The following C10orf90 variants were observed in gnomAD, a reference collection of about 807,000 sequenced individuals.
C10orf90 encodes the protein chromosome 10 open reading frame 90, also known as (E2-independent) E3 ubiquitin-conjugating enzyme FATS.
A neutral mutation model predicts 62.5 loss-of-function variants in C10orf90; 56 were observed. The observed-to-expected ratio is 0.90, with a 90% CI of 0.72 to 1.12. The LOEUF (loss-of-function observed/expected upper bound fraction) is 1.12, where lower values mean the gene tolerates loss of function less well. C10orf90 is among the 50% of genes most tolerant of loss of function. The pLI is 0.00. For missense variants in C10orf90, 970 were observed against 880.4 expected (o/e 1.10, Z -1.29); for synonymous variants, 386 against 340.4 (o/e 1.13, Z -1.47).
At chr10:126,455,871 A>T (rs1471162617) in intron 7 of C10orf90, among the ~76,000 whole-genome samples, 1 of 152,210 alleles carries the variant, frequency 6.6e-6, no homozygotes, top group Non-Finnish European at 1.5e-5. Flanking sequence ...ACCATGAAGT[A>T]CAGCGGGTCC....
At chr10:126,593,245 A>C (rs1845017133) in intron 2 of C10orf90, among the ~76,000 whole-genome samples, 2 of 152,254 alleles carry the variant, frequency 1.3e-5, no homozygotes, top group Admixed American at 1.3e-4. Context: ...ACATATGTTC[A>C]CTGCGGCACT....
chr10:126,491,131 A>G (rs773297240), intron 4 of C10orf90, among the ~76,000 whole-genome samples: 18 of 152,232 alleles, frequency 1.2e-4, no homozygotes, highest in Non-Finnish European at 2.4e-4. Context: ...AATGATCTCT[A>G]TAATGAAAAC....
chr10:126,539,073 G>A (rs957755232), intron 2 of C10orf90, among the ~76,000 whole-genome samples: 1 of 152,206 alleles, frequency 6.6e-6, no homozygotes, highest in African/African-American at 2.4e-5. Context: ...GCCATGGGGA[G>A]AAAGAGCCTG....
intron 1 of C10orf90, among the ~76,000 whole-genome samples, chr10:126,662,524 C>T (rs1230306451): frequency 6.6e-6 from 1 of 152,178 alleles, no homozygotes; most frequent in Non-Finnish European, 1.5e-5. Context: ...ATAACAGTCA[C>T]ATCCTGTGTC....
At chr10:126,569,963 C>T (rs969873397) in intron 2 of C10orf90, among the ~76,000 whole-genome samples, 4 of 152,186 alleles carry the variant, frequency 2.6e-5, no homozygotes, top group African/African-American at 9.7e-5. Context: ...CTGGTGACTT[C>T]ACAGCACATT....
chr10:126,527,164 T>C, intron 2 of C10orf90, among the ~76,000 whole-genome samples: 1 of 152,210 alleles, frequency 6.6e-6, no homozygotes, highest in South Asian at 2.1e-4. Context: ...AGTGTACCAT[T>C]TTGCATTCCC....
At chr10:126,525,204 G>A (rs545818914) in intron 2 of C10orf90, among the ~76,000 whole-genome samples, 4 of 152,276 alleles carry the variant, frequency 2.6e-5, no homozygotes, top group Non-Finnish European at 5.9e-5. Context: ...CAACCCACCA[G>A]GAAGAAAAAT....
rs145069855 is a variant in C10orf90, at chr10:126,466,246, C to T, written c.1535-1260G>A. 1.2e-3 allele frequency among the ~76,000 whole-genome samples: 175 copies of T among 151,996 alleles called. 1 individual carries two copies. Among genetic ancestry groups the T allele is most frequent in the African/African-American group, 4.1e-3 (168 of 41,454 alleles). ...AACACATTGGGAATCCCTGGAATAA[C>T]AAAAGTTATAAGAATATTCTTGCTT... On this transcript the variant is annotated intron_variant, in intron 4 of 9. Coordinates refer to ENST00000488181, the MANE Select transcript of C10orf90 (RefSeq NM_001350921.2).
chr10:126,533,715 T>TA (rs1864163441), intron 2 of C10orf90, among the ~76,000 whole-genome samples: 2 of 152,340 alleles, frequency 1.3e-5, no homozygotes, highest in African/African-American at 4.8e-5. Flanking sequence ...TCAGTCAAGT[T>TA]AACCCCTCAG....
chr10:126,432,429 C>A (rs767620050), intron 7 of C10orf90, among the ~76,000 whole-genome samples: 3 of 152,156 alleles, frequency 2.0e-5, no homozygotes, highest in Non-Finnish European at 4.4e-5. Flanking sequence ...CAGATAAGAC[C>A]GTCCCTTCAT....
chr10:126,455,713 T>C (rs1859513745), intron 7 of C10orf90, among the ~76,000 whole-genome samples: 1 of 152,186 alleles, frequency 6.6e-6, no homozygotes, highest in African/African-American at 2.4e-5. Flanking sequence ...GCTATGACCT[T>C]GATGATGCTA....
At chr10:126,534,552 G>T (rs577015990) in intron 2 of C10orf90, among the ~76,000 whole-genome samples, 1 of 152,218 alleles carries the variant, frequency 6.6e-6, no homozygotes, top group East Asian at 1.9e-4. Context: ...TATCATTGTT[G>T]TCATTGAGCA....
intron 2 of C10orf90, among the ~76,000 whole-genome samples, chr10:126,571,335 G>A (rs1189868909): frequency 6.6e-6 from 1 of 152,186 alleles, no homozygotes; most frequent in Non-Finnish European, 1.5e-5. Flanking sequence ...CCAGGGCAAC[G>A]ATTTGTCTCA....
In C10orf90 at chr10:126,425,908, G is replaced by A. The variant is rs745436700; in HGVS notation, c.2353-6C>T. On this transcript the variant is annotated splice_polypyrimidine_tract_variant and splice_region_variant and intron_variant, in intron 9 of 9. Transcript: ENST00000488181. ...AGGAGCTGGTCCAGTAATTGCTAGA[G>A]GAAAAGGGAAACAAAGATGTCAAGT... 5 of 1,614,012 alleles carry A rather than the reference G, an allele frequency of 3.1e-6. No individual in the cohort carries two copies. The highest frequency in any genetic ancestry group is 4.2e-6 in the Non-Finnish European group (5 of 1,180,016).
At chr10:126,631,997 C>T (rs1475372600) in intron 2 of C10orf90, among the ~76,000 whole-genome samples, 1 of 152,048 alleles carries the variant, frequency 6.6e-6, no homozygotes, top group Non-Finnish European at 1.5e-5. Context: ...AATACAGTGG[C>T]CTTGGAGAGC....
At chr10:126,657,619 TC>T (rs1846422128) in intron 1 of C10orf90, among the ~76,000 whole-genome samples, 2 of 150,790 alleles carry the variant, frequency 1.3e-5, no homozygotes. Flanking sequence ...TTTTTTTTTT[TC>T]TTTTTTTTTT....
intron 2 of C10orf90, among the ~76,000 whole-genome samples, chr10:126,580,430 T>C (rs7903825): frequency 0.63 from 95,681 of 152,020 alleles, 31,130 homozygotes; most frequent in African/African-American, 0.8. Flanking sequence ...CCGAGGCAGG[T>C]GGATCACAGT....
chr10:126,539,613 A>C (rs1175637715), intron 2 of C10orf90, among the ~76,000 whole-genome samples: 1 of 152,216 alleles, frequency 6.6e-6, no homozygotes, highest in Non-Finnish European at 1.5e-5. Flanking sequence ...TAAGTTCTAA[A>C]ACCTAGGGAA....
At chr10:126,562,426 C>CT (rs1864923781) in intron 2 of C10orf90, among the ~76,000 whole-genome samples, 1 of 152,216 alleles carries the variant, frequency 6.6e-6, no homozygotes, top group African/African-American at 2.4e-5. Context: ...AGACATTCCT[C>CT]TTAACAGAAT....
Sources: allele counts gnomAD v4.1 joint callset (sites outside exome capture counted in the v4.1 genomes callset), GRCh38; gene constraint gnomAD v4.1.1; transcripts MANE v1.5; gene names NCBI Gene and HGNC (gene_info 2026-07-23, HGNC 2026-07-21).